Variants in PRKACA observed in about 807,000 individuals in gnomAD.
PRKACA encodes the protein protein kinase cAMP-activated catalytic subunit alpha.
Under a neutral mutation model 45.8 loss-of-function variants are expected in PRKACA, and 9 were observed. The observed-to-expected ratio is 0.20, with a 90% CI of 0.12 to 0.34. The LOEUF is 0.34. PRKACA is among the 10% of genes least tolerant of loss of function. The pLI is 1.00. For missense variants in PRKACA, 238 were observed against 458.6 expected (o/e 0.52, Z 4.39); for synonymous variants, 160 against 178.6 (o/e 0.90, Z 0.83).
chr19:14,114,152 C>T, intron 1 of PRKACA: 3 of 1,611,708 alleles, frequency 1.9e-6, no homozygotes, highest in Non-Finnish European at 2.5e-6. Flanking sequence ...GAGTTGGAAG[C>T]CATCACTCAG....
chr19:14,112,914 G>A (rs1250621145), intron 1 of PRKACA, among the ~76,000 whole-genome samples: 2 of 152,148 alleles, frequency 1.3e-5, no homozygotes, highest in African/African-American at 4.8e-5. Context: ...GGCTAAAGAG[G>A]CCCCAGAGCT....
chr19:14,100,473 T>G (rs1270026424), intron 5 of PRKACA, among the ~76,000 whole-genome samples: 1 of 152,058 alleles, frequency 6.6e-6, no homozygotes, highest in East Asian at 1.9e-4. Flanking sequence ...CAGTTTTGTA[T>G]TTTTAGTGGA....
chr19:14,107,584 C>T, intron 1 of PRKACA, 175 bp from the exon 2 acceptor site: 1 of 1,299,640 alleles, frequency 7.7e-7, no homozygotes, highest in Non-Finnish European at 1.0e-6. Flanking sequence ...TCCCTTGCTA[C>T]AGAGAGGTGG....
intron 3 of PRKACA, among the ~76,000 whole-genome samples, chr19:14,105,499 G>T (rs999924195): frequency 2.8e-4 from 42 of 150,426 alleles, no homozygotes; most frequent in Admixed American, 1.1e-3. Flanking sequence ...CGACAAGAGT[G>T]AGACTCTGTC....
At chr19:14,106,994 C>A in intron 2 of PRKACA, 106 bp from the exon 3 acceptor site, 1 of 1,441,424 alleles carries the variant, frequency 6.9e-7, no homozygotes, top group South Asian at 1.3e-5. Flanking sequence ...CCCCGGGGAG[C>A]ACGTGGGGTC....
intron 1 of PRKACA, chr19:14,108,266 T>C (rs1977672501): frequency 1.8e-6 from 1 of 542,600 alleles, no homozygotes; most frequent in Non-Finnish European, 2.3e-6. Flanking sequence ...AGGCCTCAGT[T>C]TTCCTCATCT....
At chr19:14,109,965 A>AT (rs1384313011) in intron 1 of PRKACA, among the ~76,000 whole-genome samples, 1 of 23,770 alleles carries the variant, frequency 4.2e-5, no homozygotes, top group Non-Finnish European at 8.6e-5. Flanking sequence ...AAAAAAAAAA[A>AT]ATATATATAT....
At chr19:14,100,327 T>C (rs1977408431) in intron 5 of PRKACA, among the ~76,000 whole-genome samples, 1 of 151,870 alleles carries the variant, frequency 6.6e-6, no homozygotes, top group African/African-American at 2.4e-5. Flanking sequence ...AGACGGCATG[T>C]CACTCTCTCA....
chr19:14,093,695 C>T lies in PRKACA; in HGVS notation c.863G>A (p.Gly288Glu), dbSNP rs1977162949. The T allele has an allele frequency of 6.2e-7, 1 of 1,614,172 alleles. No individual in the cohort carries two copies. The highest frequency in any genetic ancestry group is 2.2e-5 in the East Asian group (1 of 44,884). ...CTTGTGGTTCTTGATATCGTTGACC[C>T]CATTCTTGAGGTTCCCAAAGCGCTT... ...LTKRFGNLKN[G>E]VNDIKNHKWF... Residue 288 changes from glycine (G) to glutamate (E), a missense_variant, in exon 9 of 10, where the codon GGG becomes GAG. Around this residue, in one of 3 missense-constraint regions of PRKACA, gnomAD observed 94 missense variants for 240.9 expected, o/e 0.39. Coordinates refer to ENST00000308677, the MANE Select transcript of PRKACA (RefSeq NM_002730.4).
intron 1 of PRKACA, among the ~76,000 whole-genome samples, chr19:14,108,552 C>A (rs1252354628): frequency 6.6e-6 from 1 of 151,564 alleles, no homozygotes; most frequent in Admixed American, 6.6e-5. Context: ...GGACTACAGA[C>A]GCCTGCCACC....
At chr19:14,107,011 G>A (rs1977633064) in intron 2 of PRKACA, 123 bp from the exon 3 acceptor site, 11 of 1,286,030 alleles carry the variant, frequency 8.6e-6, no homozygotes, top group Non-Finnish European at 1.2e-5. Context: ...GGTCAGCGGG[G>A]TGAGGACAGG....
intron 5 of PRKACA, chr19:14,098,124 A>C (rs1599337084): frequency 2.1e-6 from 1 of 480,068 alleles, no homozygotes; most frequent in South Asian, 2.8e-5. Context: ...CACCACCACC[A>C]CCGCCAACAG....
intron 8 of PRKACA, among the ~76,000 whole-genome samples, chr19:14,095,664 C>T (rs1481028548): frequency 6.6e-6 from 1 of 151,010 alleles, no homozygotes; most frequent in Non-Finnish European, 1.5e-5. Context: ...ATTACAGGCA[C>T]CCGCCACCAC....
Position 14,114,038 on chromosome 19 carries a change from T to G in PRKACA, c.46+3464A>C. The stretch of plus-strand genomic sequence containing the variant: ...CAGCCAGGGGTTCACATCCTTCTTC[T>G]CTTCGCCTGTGCCCCAGACCCCGCT... On this transcript the variant is annotated intron_variant, in intron 1 of 9. Coordinates refer to ENST00000308677, the MANE Select transcript of PRKACA (RefSeq NM_002730.4). 8 of 1,389,710 alleles carry G rather than the reference T, an allele frequency of 5.8e-6. No homozygotes were observed. The South Asian group carries it at 9.8e-5, about 17-fold the overall frequency. 86.1% of individuals were successfully genotyped at this position (1,389,710 alleles called of 1,614,324 possible).
intron 1 of PRKACA, among the ~76,000 whole-genome samples, chr19:14,111,023 C>T (rs1966948895): frequency 6.6e-6 from 1 of 152,224 alleles, no homozygotes; most frequent in South Asian, 2.1e-4. Context: ...CCCACATGGC[C>T]TTGTGGGGAG....
intron 5 of PRKACA, among the ~76,000 whole-genome samples, chr19:14,099,351 A>AT (rs1977372388): frequency 6.6e-6 from 1 of 152,172 alleles, no homozygotes; most frequent in South Asian, 2.1e-4. Flanking sequence ...AGACAAATTT[A>AT]TAAGTTAAAA....
intron 5 of PRKACA, among the ~76,000 whole-genome samples, chr19:14,100,085 C>T (rs1236192443): frequency 4.0e-5 from 6 of 151,840 alleles, no homozygotes; most frequent in Admixed American, 1.3e-4. Flanking sequence ...CCTCGTGATC[C>T]GCCCGCCTCG....
intron 1 of PRKACA, among the ~76,000 whole-genome samples, chr19:14,109,049 A>G (rs1977694992): frequency 6.6e-6 from 1 of 150,426 alleles, no homozygotes; most frequent in Non-Finnish European, 1.5e-5. Flanking sequence ...AAATTGAGGT[A>G]TAAAATATGG....
chr19:14,105,158 A>T (rs1319854911), intron 3 of PRKACA, among the ~76,000 whole-genome samples: 1 of 152,192 alleles, frequency 6.6e-6, no homozygotes, highest in Non-Finnish European at 1.5e-5. Context: ...TTCATTAATG[A>T]TATTTTCACA....
Sources: allele counts gnomAD v4.1 joint callset (sites outside exome capture counted in the v4.1 genomes callset), GRCh38; gene constraint gnomAD v4.1.1; regional missense constraint gnomAD v4.1.1; transcripts MANE v1.5; gene names NCBI Gene and HGNC (gene_info 2026-07-23, HGNC 2026-07-21).